The following ANKRD30A variants were observed in gnomAD, a reference collection of about 807,000 sequenced individuals.
The protein encoded by ANKRD30A is ankyrin repeat domain 30A.
ANKRD30A carries 170 observed loss-of-function variants against 166.3 expected under a neutral mutation model. That is an observed-to-expected ratio of 1.02 (90% CI 0.90 to 1.16). The LOEUF is 1.16. Among genes scored for constraint, ANKRD30A ranks in the 50% most tolerant of loss-of-function variants. The probability of loss-of-function intolerance (pLI) is 0.00; values close to 1 mark genes in which losing one functional copy is unlikely to be tolerated. For synonymous variants in ANKRD30A, 564 were observed against 508.9 expected (o/e 1.11, Z -1.46); for missense variants, 1,630 against 1,518.0 (o/e 1.07, Z -1.23).
At chr10:37,152,206 G>T (rs17605932) in intron 12 of ANKRD30A, 85 bp downstream of exon 12, 3 of 1,162,098 alleles carry the variant, frequency 2.6e-6, no homozygotes, top group Non-Finnish European at 3.7e-6. Context: ...TTATTTTCTC[G>T]CCTCTTCATA....
In ANKRD30A at chr10:37,165,000, A is replaced by T. The variant is rs1429218911; in HGVS notation, c.2003-94A>T. On this transcript the variant is annotated intron_variant, in intron 17 of 35. Coordinates refer to ENST00000361713, the MANE Select transcript of ANKRD30A (RefSeq NM_052997.3). ...ACATATGGGCCACAGAGGAAAATCC[A>T]CAGATTCGTGAATGAAAGTAGATTT... 1.7e-5 allele frequency: 22 copies of T among 1,317,940 alleles called. No individual in the cohort carries two copies. In the East Asian group the frequency reaches 2.1e-4, roughly 13 times the overall value. 81.6% of individuals were successfully genotyped at this position (1,317,940 alleles called of 1,614,324 possible). A position where few individuals can be genotyped will look rare whatever the true frequency, so the allele number is the denominator to read the frequency against.
intron 3 of ANKRD30A, among the ~76,000 whole-genome samples, chr10:37,131,014 A>T (rs1452882684): frequency 6.6e-6 from 1 of 152,132 alleles, no homozygotes; most frequent in Non-Finnish European, 1.5e-5. Context: ...ATTCATTAAT[A>T]ATGGGGTTGA....
chr10:37,235,347 G>A (rs142995893), downstream of ANKRD30A, among the ~76,000 whole-genome samples: 166 of 152,214 alleles, frequency 1.1e-3, no homozygotes, highest in African/African-American at 3.8e-3. Context: ...CACAGTGCAC[G>A]TATTTAATAC....
At chr10:37,191,440 G>T (rs1429264410) in intron 25 of ANKRD30A, among the ~76,000 whole-genome samples, 9 of 151,906 alleles carry the variant, frequency 5.9e-5, no homozygotes, top group African/African-American at 1.7e-4. Context: ...ATGAATGTTT[G>T]TAATGCAATG....
At chr10:37,145,762 G>A (rs1402978965) in intron 8 of ANKRD30A, among the ~76,000 whole-genome samples, 1 of 152,170 alleles carries the variant, frequency 6.6e-6, no homozygotes, top group African/African-American at 2.4e-5. Flanking sequence ...TAGAAAAACA[G>A]TTTAAGCTGC....
the ANKRD30A span, among the ~76,000 whole-genome samples, chr10:37,243,314 T>G: frequency 6.6e-6 from 1 of 150,830 alleles, no homozygotes; most frequent in Non-Finnish European, 1.5e-5. Flanking sequence ...TTTTTTTTTT[T>G]TTTGTATTTT....
chr10:37,138,996 A>G (rs1327945925), intron 6 of ANKRD30A, among the ~76,000 whole-genome samples: 1 of 152,196 alleles, frequency 6.6e-6, no homozygotes, highest in Admixed American at 6.5e-5. Context: ...GTTACCCACA[A>G]AGGGAAGCCC....
In ANKRD30A at chr10:37,125,686, C is replaced by T. The variant is rs1588728819; in HGVS notation, c.-102C>T. ...ACTTTTTACGGGTATCGAGGCGGTG[C>T]GTGGACTGAAGAAGGGCGAGGGCGA... On this transcript the variant is annotated 5_prime_UTR_variant, in exon 1 of 36. Coordinates refer to ENST00000361713, the MANE Select transcript of ANKRD30A (RefSeq NM_052997.3). 6.6e-6 allele frequency: 3 copies of T among 453,840 alleles called. No homozygotes were observed. The highest frequency in any genetic ancestry group is 4.9e-5 in the South Asian group (2 of 40,508). 28.1% of individuals were successfully genotyped at this position (453,840 alleles called of 1,614,324 possible).
chr10:37,213,113 G>A (rs150990845), intron 31 of ANKRD30A, among the ~76,000 whole-genome samples: 178 of 151,604 alleles, frequency 1.2e-3, no homozygotes, highest in Non-Finnish European at 8.3e-4. Flanking sequence ...TATCATTTTT[G>A]CGTTTTATTC....
intron 31 of ANKRD30A, among the ~76,000 whole-genome samples, chr10:37,209,729 C>T (rs927767265): frequency 4.6e-5 from 7 of 151,934 alleles, no homozygotes; most frequent in African/African-American, 1.7e-4. Context: ...GATTCTTTTC[C>T]TGGACTTTTC....
At chr10:37,245,844 T>G in the ANKRD30A span, among the ~76,000 whole-genome samples, 2 of 152,214 alleles carry the variant, frequency 1.3e-5, no homozygotes, top group Admixed American at 6.5e-5. Context: ...CCAAGCTATC[T>G]CCTGACTTTT....
rs1410417881 is a variant in ANKRD30A at position 37,199,907 on chromosome 10, A to C, written c.2778+119A>C. 4 of 542,424 alleles carry C rather than the reference A, an allele frequency of 7.4e-6. No homozygotes were observed. In the African/African-American group the frequency reaches 7.8e-5, roughly 11 times the overall value. The allele number at this position is 542,424 out of a possible 1,614,324, so 33.6% of individuals were successfully genotyped here. The stretch of plus-strand genomic sequence containing the variant: ...ATGTCACCCGCAAATTATTTTTGAT[A>C]TTTTTCAGAATATGCTTAATAGAGA... On this transcript the variant is annotated intron_variant, in intron 30 of 35. Coordinates refer to ENST00000361713, the MANE Select transcript of ANKRD30A (RefSeq NM_052997.3).
Position 37,166,215 on chromosome 10 carries a change from G to A in ANKRD30A, c.2065-390G>A, listed in dbSNP as rs1588850045. Among the ~76,000 whole-genome samples the A allele has an allele frequency of 3.3e-5, 5 of 152,242 alleles. No homozygotes were observed. In the East Asian group the frequency reaches 7.7e-4, roughly 23 times the overall value. On this transcript the variant is annotated intron_variant, in intron 18 of 35. Transcript: ENST00000361713. ...GTGAATATTTTAAATGTTTACTGCT[G>A]TATGTGTCCAGGCAAGTAGCAAATG...
intron 24 of ANKRD30A, among the ~76,000 whole-genome samples, chr10:37,179,619 A>G (rs866302940): frequency 1.3e-5 from 2 of 148,432 alleles, no homozygotes; most frequent in Non-Finnish European, 3.0e-5. Context: ...TGAGATGTCA[A>G]TTCTACATTC....
chr10:37,219,193 G>C lies in ANKRD30A; in HGVS notation c.3481G>C (p.Ala1161Pro), dbSNP rs368559588. Residue 1161 changes from alanine to proline, a missense_variant, in exon 34 of 36, where the codon GCA (alanine) becomes CCA (proline). By Grantham distance (27) the Ala-to-Pro change is conservative. Transcript: ENST00000361713. ...KLKEESLTKR[A>P]SQYSGQLKVL... ...GAAAGAGGAATCATTAACTAAAAGG[G>C]CATCTCAATATAGTGGGCAGCTTAA... The C allele has an allele frequency of 6.2e-7, 1 of 1,610,578 alleles. No homozygotes were observed. Among genetic ancestry groups the C allele is most frequent in the South Asian group, 1.1e-5 (1 of 90,998 alleles).
chr10:37,197,394 C>T lies in ANKRD30A; in HGVS notation c.2644-14C>T. 1 of 1,612,534 alleles carries T rather than the reference C, an allele frequency of 6.2e-7. No individual in the cohort carries two copies. The highest frequency in any genetic ancestry group is 8.5e-7 in the Non-Finnish European group (1 of 1,179,706). On this transcript the variant is annotated splice_polypyrimidine_tract_variant and intron_variant, in intron 28 of 35. Transcript: ENST00000361713. ...ACATTCTTTATTAATCATTTTGCTT[C>T]CAACCCCATTTAGCCTGCCATTGAA...
intron 27 of ANKRD30A, among the ~76,000 whole-genome samples, chr10:37,196,775 GA>G (rs1841162135): frequency 6.6e-6 from 1 of 151,946 alleles, no homozygotes; most frequent in East Asian, 1.9e-4. Context: ...TATGGTTATG[GA>G]AAAAAATGAA....
At chr10:37,237,167 A>G (rs1843703480), downstream of ANKRD30A, among the ~76,000 whole-genome samples, 2 of 152,304 alleles carry the variant, frequency 1.3e-5, no homozygotes, top group South Asian at 4.1e-4. Context: ...GGAGGAAATC[A>G]CTGGCATCAA....
chr10:37,207,726 A>G (rs534820770), intron 31 of ANKRD30A, among the ~76,000 whole-genome samples: 2 of 152,064 alleles, frequency 1.3e-5, no homozygotes, highest in South Asian at 2.1e-4. Context: ...TCATTATAAT[A>G]GTTTTTTGAA....
Sources: allele counts gnomAD v4.1 joint callset (sites outside exome capture counted in the v4.1 genomes callset), GRCh38; gene constraint gnomAD v4.1.1; transcripts MANE v1.5; gene names NCBI Gene and HGNC (gene_info 2026-07-23, HGNC 2026-07-21).